The following PLXDC2 variants were observed in gnomAD, a reference collection of about 807,000 sequenced individuals.
PLXDC2 encodes the protein plexin domain containing 2.
Under a neutral mutation model 68.9 loss-of-function variants are expected in PLXDC2, and 40 were observed. That is an observed-to-expected ratio of 0.58 (90% CI 0.45 to 0.76). The LOEUF is 0.76. PLXDC2 is among the 30% of genes least tolerant of loss of function. The probability of loss-of-function intolerance (pLI) is 0.00; values close to 1 mark genes in which losing one functional copy is unlikely to be tolerated. For synonymous variants in PLXDC2, 243 were observed against 234.2 expected (o/e 1.04, Z -0.34); for missense variants, 644 against 661.9 (o/e 0.97, Z 0.30).
intron 12 of PLXDC2, among the ~76,000 whole-genome samples, chr10:20,232,041 ACT>A (rs1307083353): frequency 6.6e-6 from 1 of 151,986 alleles, no homozygotes; most frequent in Non-Finnish European, 1.5e-5. Context: ...TTCATCAAAA[ACT>A]CTGTTAGGAA....
At chr10:19,902,151 C>A (rs1353788548) in intron 1 of PLXDC2, among the ~76,000 whole-genome samples, 1 of 152,018 alleles carries the variant, frequency 6.6e-6, no homozygotes, top group African/African-American at 2.4e-5. Context: ...TTTGGCTATG[C>A]AGTCTCTTTT....
chr10:20,254,593 T>G (rs1588545825), intron 13 of PLXDC2, among the ~76,000 whole-genome samples: 1 of 152,346 alleles, frequency 6.6e-6, no homozygotes, highest in East Asian at 1.9e-4. Flanking sequence ...TTTATATTTC[T>G]TAGCCGAAGA....
intron 12 of PLXDC2, among the ~76,000 whole-genome samples, chr10:20,245,084 A>C (rs1170152534): frequency 6.6e-6 from 1 of 152,230 alleles, no homozygotes; most frequent in African/African-American, 2.4e-5. Context: ...TTTGCACTCT[A>C]GCCTGGGCAA....
At chr10:19,947,523 T>G (rs536942729) in intron 1 of PLXDC2, among the ~76,000 whole-genome samples, 83 of 152,322 alleles carry the variant, frequency 5.4e-4, no homozygotes, top group African/African-American at 1.5e-3. Context: ...CAAAAACATC[T>G]TGTGCTTTAC....
rs146332246 is a variant in PLXDC2 at position 19,868,266 on chromosome 10, C to T, written c.112+51075C>T. Among the ~76,000 whole-genome samples the T allele has an allele frequency of 8.4e-3, 1,281 of 152,182 alleles. 21 individuals carry two copies. The highest frequency in any genetic ancestry group is 0.029 in the African/African-American group (1,221 of 41,520). On this transcript the variant is annotated intron_variant, in intron 1 of 13. Transcript: ENST00000377252. ...AGGTAGTTTTTTTGATCCTCTCTCT[C>T]CTCCCACCCGCCACCCTCAATAGTC...
chr10:20,178,320 A>G (rs1051841058), intron 9 of PLXDC2, among the ~76,000 whole-genome samples: 3 of 152,138 alleles, frequency 2.0e-5, no homozygotes, highest in Non-Finnish European at 4.4e-5. Flanking sequence ...CAGAGACTGA[A>G]TAATCATTTG....
At chr10:19,945,713 T>C (rs572225733) in intron 1 of PLXDC2, among the ~76,000 whole-genome samples, 1 of 152,304 alleles carries the variant, frequency 6.6e-6, no homozygotes, top group East Asian at 1.9e-4. Flanking sequence ...AGTACACTCA[T>C]ATGCTTAGAG....
At chr10:20,249,407 G>A (rs1835641174) in intron 13 of PLXDC2, among the ~76,000 whole-genome samples, 1 of 152,202 alleles carries the variant, frequency 6.6e-6, no homozygotes, top group African/African-American at 2.4e-5. Context: ...AGTCAGAAGT[G>A]CTAAAATCAG....
At position 20,280,016 on chromosome 10, in the gene PLXDC2, C is replaced by G; in HGVS notation, c.*197C>G. ...AAAAAACTAAAACTTATACAAGATACCATTTACACTGAACATAGAATTCCC... is the reference window on the plus strand; with the variant it reads ...AAAAAACTAAAACTTATACAAGATAGCATTTACACTGAACATAGAATTCCC... On this transcript the variant is annotated 3_prime_UTR_variant, in exon 14 of 14. Transcript: ENST00000377252. 2 of 543,020 alleles carry G rather than the reference C, an allele frequency of 3.7e-6. No homozygotes were observed. Among genetic ancestry groups the G allele is most frequent in the Non-Finnish European group, 6.5e-6 (2 of 306,114 alleles). 33.6% of individuals were successfully genotyped at this position (543,020 alleles called of 1,614,324 possible).
In PLXDC2 at chr10:20,256,221, C is replaced by T. The variant is rs149987559; in HGVS notation, c.1473+10716C>T. Among the ~76,000 whole-genome samples, 83 of 152,020 alleles carry T rather than the reference C, an allele frequency of 5.5e-4. No homozygotes were observed. In the East Asian group the frequency reaches 0.015, roughly 27 times the overall value. ...AATTTCAGCTCACTGCAACCTCTGC[C>T]TCCTGTGTTCAAGCAATACTCCTGC... On this transcript the variant is annotated intron_variant, in intron 13 of 13. Coordinates refer to ENST00000377252, the MANE Select transcript of PLXDC2 (RefSeq NM_032812.9).
intron 1 of PLXDC2, among the ~76,000 whole-genome samples, chr10:19,902,034 C>T (rs1419861778): frequency 6.6e-6 from 1 of 151,950 alleles, no homozygotes; most frequent in East Asian, 1.9e-4. Flanking sequence ...TTGGCCTATC[C>T]TATTTTTACA....
intron 1 of PLXDC2, among the ~76,000 whole-genome samples, chr10:19,878,915 A>G (rs914221919): frequency 1.8e-4 from 28 of 152,144 alleles, no homozygotes; most frequent in African/African-American, 6.8e-4. Flanking sequence ...GAGTCATACC[A>G]TGGGGAATTA....
At chr10:20,191,394 T>C (rs1410276047) in intron 9 of PLXDC2, among the ~76,000 whole-genome samples, 3 of 151,862 alleles carry the variant, frequency 2.0e-5, no homozygotes, top group Non-Finnish European at 1.5e-5. Context: ...AACCATGGCC[T>C]TGGCTGCAAC....
At chr10:19,861,804 A>G (rs550950372) in intron 1 of PLXDC2, among the ~76,000 whole-genome samples, 27 of 152,286 alleles carry the variant, frequency 1.8e-4, no homozygotes, top group Middle Eastern at 3.4e-3. Context: ...TGCTAAGATA[A>G]TTGGCTTCAT....
intron 4 of PLXDC2, among the ~76,000 whole-genome samples, chr10:20,089,411 G>GC (rs1401170268): frequency 6.6e-6 from 1 of 152,100 alleles, no homozygotes; most frequent in Non-Finnish European, 1.5e-5. Flanking sequence ...CAGGTAAACT[G>GC]CACACATGTG....
chr10:19,884,043 C>A (rs1283373943), intron 1 of PLXDC2, among the ~76,000 whole-genome samples: 5 of 150,308 alleles, frequency 3.3e-5, no homozygotes, highest in African/African-American at 1.2e-4. Context: ...AGGTGTGCAC[C>A]ACCACACCTG....
chr10:19,850,480 G>T (rs141731150), intron 1 of PLXDC2, among the ~76,000 whole-genome samples: 161 of 152,084 alleles, frequency 1.1e-3, no homozygotes, highest in African/African-American at 3.6e-3. Context: ...CTTTTATTGG[G>T]CATTATAATT....
intron 3 of PLXDC2, among the ~76,000 whole-genome samples, chr10:20,060,069 G>A (rs1389629629): frequency 1.1e-4 from 17 of 151,978 alleles, no homozygotes; most frequent in Non-Finnish European, 1.5e-4. Context: ...GTCTTGCTCT[G>A]TCACCCAGGC....
intron 4 of PLXDC2, among the ~76,000 whole-genome samples, chr10:20,132,643 C>G (rs528606458): frequency 6.6e-6 from 1 of 151,890 alleles, no homozygotes; most frequent in Non-Finnish European, 1.5e-5. Flanking sequence ...GATATAGTTA[C>G]GGCTACTCCT....
Sources: allele counts gnomAD v4.1 joint callset (sites outside exome capture counted in the v4.1 genomes callset), GRCh38; gene constraint gnomAD v4.1.1; transcripts MANE v1.5; gene names NCBI Gene and HGNC (gene_info 2026-07-23, HGNC 2026-07-21).